The following CTRC variants were observed in gnomAD, a reference collection of about 807,000 sequenced individuals.
CTRC encodes chymotrypsin-C.
CTRC carries 32 observed loss-of-function variants against 35.7 expected under a neutral mutation model. That is an observed-to-expected ratio of 0.90 (90% CI 0.68 to 1.20). The LOEUF (loss-of-function observed/expected upper bound fraction) is 1.20, where lower values mean the gene tolerates loss of function less well. Ranked by LOEUF, CTRC falls within the 50% of genes most tolerant of loss-of-function variation. The pLI, the probability that CTRC is intolerant of heterozygous loss-of-function variation, is 0.00. For synonymous variants in CTRC, 119 were observed against 149.5 expected, an observed-to-expected ratio of 0.80 and a Z score of 1.49; for missense variants, 324 against 361.5, an observed-to-expected ratio of 0.90 and a Z score of 0.84.
Position 15,440,508 on chromosome 1 carries a change from C to G in CTRC, c.148C>G (p.Leu50Val). 2 of 1,614,208 alleles carry G rather than the reference C, an allele frequency of 1.2e-6. No homozygotes were observed. Among genetic ancestry groups the G allele is most frequent in the Non-Finnish European group, 1.7e-6 (2 of 1,180,030 alleles). Residue 50 changes from leucine (L) to valine (V), a missense_variant, in exon 3 of 8, where the codon CTC (leucine) becomes GTC (valine). Leu to Val is a conservative substitution (Grantham distance 32, BLOSUM62 1). Transcript: ENST00000375949. ...SWPWQISLQY[L>V]KNDTWRHTCG... ...CCTCCTGCAGATCTCCCTCCAGTAC[C>G]TCAAGAACGACACGTGGAGGCATAC...
At position 15,443,429 on chromosome 1, in the gene CTRC, G is replaced by T; in HGVS notation, c.367G>T (p.Ala123Ser). The T allele has an allele frequency of 6.2e-7, 1 of 1,614,176 alleles. No homozygotes were observed. Among genetic ancestry groups the T allele is most frequent in the Non-Finnish European group, 8.5e-7 (1 of 1,180,036 alleles). ...CACTTTGGATTCCAGCAATGATATT[G>T]CCCTCATCAAGCTTGCAGAGCATGT... Reference protein sequence around the residue: ...WNALLLRNDIALIKLAEHVEL... With the variant: ...WNALLLRNDISLIKLAEHVEL... The change falls in exon 5 of 8, where the codon GCC becomes TCC. Residue 123 changes from alanine to serine, a missense_variant. Ala to Ser is a moderately conservative substitution (Grantham distance 99). Transcript: ENST00000375949.
At position 15,446,681 on chromosome 1, in the gene CTRC, T is replaced by A; in HGVS notation, c.*92T>A. On this transcript the variant is annotated 3_prime_UTR_variant, in exon 8 of 8. Transcript: ENST00000375949. ...CTGGATCCTTGATTTGTGCAGCTTC[T>A]GTTGCTTCCCTCCTCTCTGGTGCTG... The A allele has an allele frequency of 6.9e-7, 1 of 1,446,528 alleles. No homozygotes were observed. Among genetic ancestry groups the A allele is most frequent in the Non-Finnish European group, 9.7e-7 (1 of 1,027,562 alleles). The allele number at this position is 1,446,528 out of a possible 1,614,324, so 89.6% of individuals were successfully genotyped here. A position where few individuals can be genotyped will look rare whatever the true frequency, so the allele number is the denominator to read the frequency against.
rs1270303361 is a variant in CTRC, at chr1:15,448,285, G to A, written c.*1696G>A. 1 of 146,872 alleles carries A rather than the reference G, an allele frequency of 6.8e-6. No homozygotes were observed. The highest frequency in any genetic ancestry group is 2.5e-5 in the African/African-American group (1 of 39,248). 9.1% of individuals were successfully genotyped at this position (146,872 alleles called of 1,614,324 possible). A position where few individuals can be genotyped will look rare whatever the true frequency, so the allele number is the denominator to read the frequency against. ...CCTCCCAGGTTCAAGTGATTCTTCT[G>A]CCTCAGCCTCCCAAGTAGCTGGGAT... On this transcript the variant is annotated 3_prime_UTR_variant, in exon 8 of 8. Coordinates refer to ENST00000375949, the MANE Select transcript of CTRC (RefSeq NM_007272.3).
At chr1:15,440,234 T>TCCCCCCCGGCGTC in intron 1 of CTRC, 66 bp from the exon 2 acceptor site, 1 of 309,298 alleles carries the variant, frequency 3.2e-6, no homozygotes, top group Non-Finnish European at 6.7e-6. Flanking sequence ...CTGCCCACCC[T>TCCCCCCCGGCGTC]CCCACCCCTT....
intron 7 of CTRC, 141 bp downstream of exon 7, chr1:15,445,890 GCATT>G (rs1290811886): frequency 1.6e-5 from 16 of 1,002,698 alleles, no homozygotes; most frequent in East Asian, 2.5e-5. Context: ...ACTCATTCAT[GCATT>G]CATTCATTTA....
chr1:15,446,511 G>C (rs1708223869), intron 7 of CTRC, 64 bp from the exon 8 acceptor site: 1 of 1,569,484 alleles, frequency 6.4e-7, no homozygotes, highest in African/African-American at 1.4e-5. Flanking sequence ...TCCGGGCAGA[G>C]CCCTGTGCCA....
At chr1:15,438,614 T>C in intron 1 of CTRC, 110 bp downstream of exon 1, 1 of 1,258,958 alleles carries the variant, frequency 7.9e-7, no homozygotes, top group Non-Finnish European at 1.1e-6. Flanking sequence ...TAAGACACTT[T>C]GGGGTCCCCT....
rs958457195 is a variant in CTRC at position 15,448,357 on chromosome 1, T to C, written c.*1768T>C. ...ACAGCTAATTTTTTTTTTTTTTTTT[T>C]AGACAGAGTCTCGCTCTCTCACCTG... On this transcript the variant is annotated 3_prime_UTR_variant, in exon 8 of 8. Transcript: ENST00000375949. The C allele has an allele frequency of 1.3e-5, 2 of 149,922 alleles. No homozygotes were observed. The highest frequency in any genetic ancestry group is 2.4e-5 in the African/African-American group (1 of 40,840). 9.3% of individuals were successfully genotyped at this position (149,922 alleles called of 1,614,324 possible).
intron 7 of CTRC, among the ~76,000 whole-genome samples, 156 bp downstream of exon 7, chr1:15,445,905 T>C (rs1040647018): frequency 5.9e-5 from 9 of 152,246 alleles, no homozygotes; most frequent in African/African-American, 1.9e-4. Context: ...CATTCATTTA[T>C]TCACTTATTC....
Position 15,448,831 on chromosome 1 carries a change from G to A in CTRC, c.*2242G>A, listed in dbSNP as rs1327789109. ...TTCTTTTGTGTATGTCTTTATATTG[G>A]GGGTTATAAATGCTAAATGCTTGCT... On this transcript the variant is annotated 3_prime_UTR_variant, in exon 8 of 8. Transcript: ENST00000375949. The A allele has an allele frequency of 6.6e-6, 1 of 152,098 alleles. No individual in the cohort carries two copies. The highest frequency in any genetic ancestry group is 2.4e-5 in the African/African-American group (1 of 41,402). 9.4% of individuals were successfully genotyped at this position (152,098 alleles called of 1,614,324 possible).
chr1:15,444,568 C>T (rs1400807800), intron 5 of CTRC, 38 bp from the exon 6 acceptor site: 2 of 1,613,280 alleles, frequency 1.2e-6, no homozygotes, highest in African/African-American at 2.7e-5. Context: ...ACTGGGCTTC[C>T]CGGCTGCCTC....
intron 4 of CTRC, 58 bp downstream of exon 4, chr1:15,442,630 C>G: frequency 8.1e-6 from 13 of 1,610,450 alleles, no homozygotes; most frequent in Non-Finnish European, 1.1e-5. Context: ...GGAGGGGTCC[C>G]CAAGACGGAG....
rs764908785 is a variant in CTRC at position 15,443,546 on chromosome 1, C to T, written c.484C>T (p.Arg162Cys). The T allele has an allele frequency of 1.0e-4, 166 of 1,614,104 alleles. No individual in the cohort carries two copies. Among genetic ancestry groups the T allele is most frequent in the African/African-American group, 3.1e-4 (23 of 74,944 alleles). ...CCCCTGCTATGTCACCGGCTGGGGCCGCCTCTGGAGTGAGTATCGTCCCTG... is the reference window on the plus strand; with the variant it reads ...CCCCTGCTATGTCACCGGCTGGGGCTGCCTCTGGAGTGAGTATCGTCCCTG... ...DYPCYVTGWG[R>C]LWTNGPIADK... The change falls in exon 5 of 8, where the codon CGC becomes TGC. Residue 162 changes from arginine to cysteine, a missense_variant. Physicochemically the swap from Arg to Cys is radical, Grantham distance 180 (BLOSUM62 -3). Coordinates refer to ENST00000375949, the MANE Select transcript of CTRC (RefSeq NM_007272.3).
At chr1:15,442,097 G>A (rs905632501) in intron 3 of CTRC, among the ~76,000 whole-genome samples, 2 of 152,222 alleles carry the variant, frequency 1.3e-5, no homozygotes, top group African/African-American at 4.8e-5. Flanking sequence ...GTAGGCCAGC[G>A]TACAAGTGAG....
In CTRC at chr1:15,446,927, A is replaced by G; in HGVS notation, c.*338A>G. 2.2e-6 allele frequency: 1 copy of G among 451,878 alleles called. No individual in the cohort carries two copies. Among genetic ancestry groups the G allele is most frequent in the South Asian group, 2.1e-5 (1 of 48,524 alleles). 28.0% of individuals were successfully genotyped at this position (451,878 alleles called of 1,614,324 possible). A position where few individuals can be genotyped will look rare whatever the true frequency, so the allele number is the denominator to read the frequency against. ...ACGCATCAGACACCTTCCCCGCTCC[A>G]TCTCACAAGCTGCGAACAGGTGAGA... On this transcript the variant is annotated 3_prime_UTR_variant, in exon 8 of 8. Coordinates refer to ENST00000375949, the MANE Select transcript of CTRC (RefSeq NM_007272.3).
At chr1:15,439,655 A>C (rs1011393618) in intron 1 of CTRC, among the ~76,000 whole-genome samples, 8 of 152,188 alleles carry the variant, frequency 5.3e-5, no homozygotes, top group Non-Finnish European at 1.2e-4. Context: ...GCTCTCTCAC[A>C]CACACACCAT....
At position 15,440,369 on chromosome 1, in the gene CTRC, G is replaced by A. The variant is rs145868278; in HGVS notation, c.110G>A (p.Arg37Gln). 860 of 1,612,104 alleles carry A rather than the reference G, an allele frequency of 5.3e-4. 2 individuals carry two copies. Among genetic ancestry groups the A allele is most frequent in the Non-Finnish European group, 6.8e-4 (806 of 1,179,534 alleles). ...SARVVGGEDA[R>Q]PHSWPWQISL... ...CGAGTGGTGGGAGGAGAGGATGCCC[G>A]GCCCCACAGCTGGCCCTGGCAGGTA... Residue 37 changes from arginine to glutamine, a missense_variant, in exon 2 of 8, where the codon CGG becomes CAG. Transcript: ENST00000375949.
intron 1 of CTRC, among the ~76,000 whole-genome samples, chr1:15,439,754 T>G (rs1389470976): frequency 6.6e-6 from 1 of 152,156 alleles, no homozygotes; most frequent in East Asian, 1.9e-4. Context: ...TTTGTTTTGT[T>G]TTTTGAGATG....
At chr1:15,441,072 C>T (rs139026984) in intron 3 of CTRC, among the ~76,000 whole-genome samples, 10 of 152,066 alleles carry the variant, frequency 6.6e-5, no homozygotes, top group African/African-American at 1.4e-4. Flanking sequence ...CCCAGCTACT[C>T]GGGAGGCTGA....
Sources: allele counts gnomAD v4.1 joint callset (sites outside exome capture counted in the v4.1 genomes callset), GRCh38; gene constraint gnomAD v4.1.1; transcripts MANE v1.5; gene names NCBI Gene and HGNC (gene_info 2026-07-23, HGNC 2026-07-21).